Variants in LMBR1 observed in about 807,000 individuals in gnomAD.
LMBR1 encodes the protein limb development membrane protein 1, also known as limb region 1 protein homolog.
LMBR1 carries 52 observed loss-of-function variants against 73.9 expected under a neutral mutation model. That is an observed-to-expected ratio of 0.70 (90% confidence interval 0.56 to 0.89). The LOEUF is 0.89. Ranked by LOEUF, LMBR1 falls within the 40% of genes least tolerant of loss-of-function variation. The pLI is 0.00. For synonymous variants in LMBR1, 215 were observed against 209.4 expected (o/e 1.03, Z -0.23); for missense variants, 539 against 579.8 (o/e 0.93, Z 0.72).
chr7:156,811,418 T>C (rs1440380964), intron 4 of LMBR1, among the ~76,000 whole-genome samples: 1 of 151,798 alleles, frequency 6.6e-6, no homozygotes, highest in Non-Finnish European at 1.5e-5. Flanking sequence ...AAAACCATCC[T>C]GGCCAACATG....
chr7:156,888,834 C>T (rs1410259039), intron 1 of LMBR1, among the ~76,000 whole-genome samples: 4 of 152,008 alleles, frequency 2.6e-5, no homozygotes, highest in Non-Finnish European at 4.4e-5. Flanking sequence ...GCAGGTGGAT[C>T]ACCTGGGGTC....
At chr7:156,756,239 C>T (rs888864269) in intron 9 of LMBR1, among the ~76,000 whole-genome samples, 154 bp downstream of exon 9, 1 of 152,194 alleles carries the variant, frequency 6.6e-6, no homozygotes, top group African/African-American at 2.4e-5. Flanking sequence ...ATAACCCTCT[C>T]TTCACCAGGG....
intron 1 of LMBR1, among the ~76,000 whole-genome samples, chr7:156,890,738 G>C (rs1220224430): frequency 2.0e-5 from 3 of 152,198 alleles, no homozygotes; most frequent in African/African-American, 7.2e-5. Context: ...GAGACTGTCA[G>C]TACTGGCGGA....
intron 9 of LMBR1, among the ~76,000 whole-genome samples, chr7:156,741,342 A>T (rs1375909511): frequency 6.6e-6 from 1 of 152,208 alleles, no homozygotes; most frequent in Non-Finnish European, 1.5e-5. Context: ...TAAACTCTCC[A>T]ATCAAAAGAC....
At chr7:156,787,622 A>T (rs553579652) in intron 5 of LMBR1, among the ~76,000 whole-genome samples, 12 of 152,280 alleles carry the variant, frequency 7.9e-5, no homozygotes, top group African/African-American at 2.9e-4. Context: ...ACCCTGATTT[A>T]TTTTTTATAA....
chr7:156,829,969 TACTTCTTTATCCTCA>T (rs997363848), intron 3 of LMBR1, among the ~76,000 whole-genome samples: 1 of 152,206 alleles, frequency 6.6e-6, no homozygotes, highest in Non-Finnish European at 1.5e-5. Context: ...ATCACACCTT[TACTTCTTTATCCTCA>T]ACTTCTTTAT....
intron 1 of LMBR1, among the ~76,000 whole-genome samples, chr7:156,852,856 T>C (rs1467717908): frequency 6.6e-6 from 1 of 152,094 alleles, no homozygotes; most frequent in African/African-American, 2.4e-5. Context: ...AACTCTGTTT[T>C]AGATTAACTG....
At chr7:156,805,931 A>G (rs1260943893) in intron 4 of LMBR1, among the ~76,000 whole-genome samples, 4 of 152,176 alleles carry the variant, frequency 2.6e-5, no homozygotes, top group African/African-American at 9.7e-5. Context: ...GCTCTCAGCC[A>G]TGGAAGGATG....
intron 8 of LMBR1, among the ~76,000 whole-genome samples, chr7:156,761,729 C>A (rs1399814587): frequency 6.6e-6 from 1 of 152,088 alleles, no homozygotes; most frequent in East Asian, 1.9e-4. Flanking sequence ...GTAATCCCAG[C>A]ACTTTGGGAG....
chr7:156,824,127 AAT>A lies in LMBR1; in HGVS notation c.319+2476_319+2477del, dbSNP rs898985878. Among the ~76,000 whole-genome samples the A allele has an allele frequency of 2.3e-4, 34 of 147,910 alleles. No homozygotes were observed. The East Asian group carries it at 4.3e-3, about 19-fold the overall frequency. On this transcript the variant is annotated intron_variant, in intron 4 of 16. Coordinates refer to ENST00000353442, the MANE Select transcript of LMBR1 (RefSeq NM_022458.4). ...CAACAACAACAACAACAACAACAAC[AAT>A]ATATATATACACACGCGCGCGCGCT...
chr7:156,891,206 AAAAAAATATAT>A (rs1294413779), intron 1 of LMBR1, among the ~76,000 whole-genome samples: 8 of 93,774 alleles, frequency 8.5e-5, no homozygotes, highest in Non-Finnish European at 1.5e-4. Flanking sequence ...AAAAAAAAAA[AAAAAAATATAT>A]ATATATATAT....
At chr7:156,715,755 A>C (rs1208458453) in intron 15 of LMBR1, among the ~76,000 whole-genome samples, 1 of 152,180 alleles carries the variant, frequency 6.6e-6, no homozygotes, top group Non-Finnish European at 1.5e-5. Flanking sequence ...TTTCACTTAA[A>C]TGTCCTTCCT....
At position 156,789,123 on chromosome 7, in the gene LMBR1, T is replaced by G. The variant is rs74522493; in HGVS notation, c.423+7266A>C. Among the ~76,000 whole-genome samples the G allele has an allele frequency of 8.1e-3, 1,239 of 152,338 alleles. 14 individuals carry two copies. Among genetic ancestry groups the G allele is most frequent in the Admixed American group, 0.011 (170 of 15,296 alleles). On this transcript the variant is annotated intron_variant, in intron 5 of 16. Transcript: ENST00000353442. Reference sequence around the variant, plus strand: ...TTCTTCCTCTGTGCTACGAATAGAATAAATGTTTTCCATAAAACTGATCAT... The same window carrying G: ...TTCTTCCTCTGTGCTACGAATAGAAGAAATGTTTTCCATAAAACTGATCAT...
At chr7:156,708,893 G>A (rs1482232227) in intron 15 of LMBR1, among the ~76,000 whole-genome samples, 1 of 152,032 alleles carries the variant, frequency 6.6e-6, no homozygotes, top group Non-Finnish European at 1.5e-5. Context: ...TTCACTACTG[G>A]CTCTCCCCAA....
intron 15 of LMBR1, among the ~76,000 whole-genome samples, chr7:156,720,633 T>G (rs910748074): frequency 1.3e-5 from 2 of 151,836 alleles, no homozygotes; most frequent in African/African-American, 4.8e-5. Flanking sequence ...AAAAGTTAAT[T>G]ACTATAAGTT....
At chr7:156,722,458 T>C (rs1411493713) in intron 15 of LMBR1, among the ~76,000 whole-genome samples, 1 of 152,202 alleles carries the variant, frequency 6.6e-6, no homozygotes, top group Non-Finnish European at 1.5e-5. Flanking sequence ...GCATTTCCCA[T>C]AATGCTAAAA....
chr7:156,801,421 G>A (rs1026922892), intron 4 of LMBR1, among the ~76,000 whole-genome samples: 5 of 152,146 alleles, frequency 3.3e-5, no homozygotes, highest in African/African-American at 9.7e-5. Context: ...TATATGCTCT[G>A]AGAAATCAAA....
At chr7:156,840,964 C>CAAAAAAAAA (rs57968006) in intron 1 of LMBR1, among the ~76,000 whole-genome samples, 1 of 71,432 alleles carries the variant, frequency 1.4e-5, no homozygotes, top group South Asian at 5.8e-4. Context: ...GACTCGGTCT[C>CAAAAAAAAA]AAAAAAAAAA....
chr7:156,866,446 T>C (rs1476517781), intron 1 of LMBR1, among the ~76,000 whole-genome samples: 1 of 151,384 alleles, frequency 6.6e-6, no homozygotes, highest in Non-Finnish European at 1.5e-5. Flanking sequence ...GAGACAGCCA[T>C]TGCTATGCAA....
Sources: gnomAD v4.1 joint callset for allele counts (sites outside exome capture counted in the v4.1 genomes callset) on GRCh38, gnomAD v4.1.1 for gene constraint, MANE v1.5 for transcripts, NCBI Gene and HGNC (gene_info 2026-07-23, HGNC 2026-07-21) for gene names.